The following SDCCAG8 variants were observed in gnomAD, a reference collection of about 807,000 sequenced individuals.
The protein encoded by SDCCAG8 is serologically defined colon cancer antigen 8.
A neutral mutation model predicts 101.8 loss-of-function variants in SDCCAG8; 74 were observed. That is an observed-to-expected ratio of 0.73 (90% CI 0.60 to 0.88). The LOEUF is 0.88. Ranked by LOEUF, SDCCAG8 falls within the 40% of genes least tolerant of loss-of-function variation. The pLI is 0.00. For missense variants in SDCCAG8, 787 were observed against 822.6 expected, an observed-to-expected ratio of 0.96 and a Z score of 0.53; for synonymous variants, 281 against 292.9, an observed-to-expected ratio of 0.96 and a Z score of 0.41.
At chr1:243,307,558 A>G (rs954486737) in intron 7 of SDCCAG8, 2 of 983,256 alleles carry the variant, frequency 2.0e-6, no homozygotes, top group Non-Finnish European at 2.4e-6. Context: ...TAAGAGATTA[A>G]TGCTTGAAAT....
At chr1:243,486,155 C>T (rs898830402) in intron 16 of SDCCAG8, among the ~76,000 whole-genome samples, 25 of 135,512 alleles carry the variant, frequency 1.8e-4, no homozygotes, top group African/African-American at 1.7e-4. Context: ...GAGCCGAGAT[C>T]GCACCATTGT....
At chr1:243,483,962 C>T (rs1664286737) in intron 16 of SDCCAG8, among the ~76,000 whole-genome samples, 1 of 152,192 alleles carries the variant, frequency 6.6e-6, no homozygotes, top group South Asian at 2.1e-4. Flanking sequence ...CCTTCCCAGG[C>T]AAATCTTGCC....
chr1:243,499,071 A>C (rs952918379), intron 17 of SDCCAG8, among the ~76,000 whole-genome samples: 2 of 152,200 alleles, frequency 1.3e-5, no homozygotes. Flanking sequence ...GATGTGGTTT[A>C]AACTAATTTG....
chr1:243,432,801 G>A (rs533037727), intron 16 of SDCCAG8, among the ~76,000 whole-genome samples: 1 of 152,128 alleles, frequency 6.6e-6, no homozygotes, highest in Non-Finnish European at 1.5e-5. Context: ...TATTGCACAG[G>A]AAAATTAAAA....
intron 13 of SDCCAG8, among the ~76,000 whole-genome samples, chr1:243,379,712 TC>T (rs748882934): frequency 3.2e-4 from 48 of 152,222 alleles, no homozygotes; most frequent in Non-Finnish European, 4.7e-4. Context: ...TTAAAGTTTT[TC>T]AGTTTTTAGA....
chr1:243,486,072 C>T (rs1664734406), intron 16 of SDCCAG8, among the ~76,000 whole-genome samples: 1 of 151,466 alleles, frequency 6.6e-6, no homozygotes, highest in Admixed American at 6.6e-5. Context: ...TGGCACATGC[C>T]TGTAATTCCA....
chr1:243,499,692 T>G (rs1210426667), intron 17 of SDCCAG8, 64 bp from the exon 18 acceptor site: 1 of 1,308,422 alleles, frequency 7.6e-7, no homozygotes, highest in Admixed American at 1.7e-5. Context: ...AACCAGCAAA[T>G]GAGAAGACAA....
chr1:243,258,464 G>T (rs999675431), intron 1 of SDCCAG8, among the ~76,000 whole-genome samples: 4 of 152,178 alleles, frequency 2.6e-5, no homozygotes, highest in African/African-American at 7.2e-5. Context: ...AAATGCAGTG[G>T]TGCCATCTCG....
intron 16 of SDCCAG8, among the ~76,000 whole-genome samples, chr1:243,468,437 C>G (rs1249111149): frequency 6.6e-6 from 1 of 152,182 alleles, no homozygotes; most frequent in Non-Finnish European, 1.5e-5. Flanking sequence ...AGGCTGGTCT[C>G]GAACTCCTGA....
intron 13 of SDCCAG8, among the ~76,000 whole-genome samples, chr1:243,393,899 C>G (rs1573781405): frequency 1.3e-5 from 2 of 152,102 alleles, no homozygotes; most frequent in South Asian, 4.1e-4. Context: ...GTCACTTGCC[C>G]TTCTTTTTTC....
intron 15 of SDCCAG8, among the ~76,000 whole-genome samples, chr1:243,423,406 G>A (rs1033530659): frequency 2.0e-5 from 3 of 151,978 alleles, no homozygotes; most frequent in East Asian, 1.9e-4. Context: ...AGATTATACC[G>A]TATATACAGT....
chr1:243,370,970 A>C (rs896344339), intron 12 of SDCCAG8, among the ~76,000 whole-genome samples: 3 of 152,132 alleles, frequency 2.0e-5, no homozygotes, highest in Admixed American at 6.6e-5. Flanking sequence ...GGAGTTCATC[A>C]TGTTGTAAAA....
chr1:243,463,741 C>T (rs887580321), intron 16 of SDCCAG8, among the ~76,000 whole-genome samples: 3 of 152,198 alleles, frequency 2.0e-5, no homozygotes, highest in Non-Finnish European at 2.9e-5. Context: ...GACATCTTCT[C>T]CCTGTCTTTG....
At chr1:243,299,741 G>T (rs2149307290) in intron 6 of SDCCAG8, among the ~76,000 whole-genome samples, 1 of 151,522 alleles carries the variant, frequency 6.6e-6, no homozygotes, top group East Asian at 2.0e-4. Context: ...TGGGTATCTA[G>T]ACCACTGACA....
chr1:243,347,840 C>T (rs115614374), intron 12 of SDCCAG8, among the ~76,000 whole-genome samples: 8 of 152,078 alleles, frequency 5.3e-5, no homozygotes, highest in Non-Finnish European at 8.8e-5. Context: ...TCTGAGAAGA[C>T]GATTCTTTAT....
At chr1:243,455,974 C>A (rs1229466222) in intron 16 of SDCCAG8, among the ~76,000 whole-genome samples, 1 of 152,168 alleles carries the variant, frequency 6.6e-6, no homozygotes, top group African/African-American at 2.4e-5. Flanking sequence ...GTCAGAATGG[C>A]CTCTGGACCG....
chr1:243,492,099 G>A (rs557549154), intron 17 of SDCCAG8, among the ~76,000 whole-genome samples: 38 of 152,112 alleles, frequency 2.5e-4, no homozygotes, highest in Admixed American at 2.5e-3. Flanking sequence ...CTGTTGGCAG[G>A]CTTCATTATT....
At position 243,495,509 on chromosome 1, in the gene SDCCAG8, G is replaced by A. The variant is rs142815481; in HGVS notation, c.2113-4247G>A. Among the ~76,000 whole-genome samples, 35 of 152,308 alleles carry A rather than the reference G, an allele frequency of 2.3e-4. No individual in the cohort carries two copies. In the East Asian group the frequency reaches 3.3e-3, roughly 14 times the overall value. On this transcript the variant is annotated intron_variant, in intron 17 of 17. Coordinates refer to ENST00000366541, the MANE Select transcript of SDCCAG8 (RefSeq NM_006642.5). ...GAGGGAAGAATGGCCGCTGCCCTGCGATGGCCTTAACCGTGAGCCCCCGCC... is the reference window on the plus strand; with the variant it reads ...GAGGGAAGAATGGCCGCTGCCCTGCAATGGCCTTAACCGTGAGCCCCCGCC...
At chr1:243,412,246 T>C (rs983215756) in intron 13 of SDCCAG8, among the ~76,000 whole-genome samples, 10 of 152,174 alleles carry the variant, frequency 6.6e-5, no homozygotes, top group African/African-American at 2.4e-4. Flanking sequence ...CTTTTTATAA[T>C]TTTTTCAATC....
Sources: gnomAD v4.1 joint callset for allele counts (sites outside exome capture counted in the v4.1 genomes callset) on GRCh38, gnomAD v4.1.1 for gene constraint, MANE v1.5 for transcripts, NCBI Gene and HGNC (gene_info 2026-07-23, HGNC 2026-07-21) for gene names.